Variants in RNF220 observed in about 807,000 individuals in gnomAD.
RNF220 encodes ring finger protein 220.
In RNF220, 7 loss-of-function variants were observed where a neutral mutation model predicts 67.1. The ratio of observed to expected loss-of-function variants is 0.10; its 90% confidence interval spans 0.06 to 0.20. RNF220 has a LOEUF of 0.20. RNF220 is among the 10% of genes least tolerant of loss of function. The probability of loss-of-function intolerance (pLI) is 1.00; values close to 1 mark genes in which losing one functional copy is unlikely to be tolerated. For missense variants in RNF220, 565 were observed against 740.3 expected, an observed-to-expected ratio of 0.76 and a Z score of 2.75; for synonymous variants, 270 against 283.2, an observed-to-expected ratio of 0.95 and a Z score of 0.47.
intron 2 of RNF220, among the ~76,000 whole-genome samples, chr1:44,498,328 T>C (rs969663351): frequency 2.0e-5 from 3 of 151,804 alleles, no homozygotes; most frequent in Non-Finnish European, 4.4e-5. Context: ...TGCCCAAGAG[T>C]GTACCAGGAC....
In RNF220 at chr1:44,424,114, C is replaced by T. The variant is rs1335715015; in HGVS notation, c.625+11392C>T. 2.8e-5 allele frequency: 18 copies of T among 640,320 alleles called. No individual in the cohort carries two copies. In the East Asian group the frequency reaches 1.4e-3, roughly 49 times the overall value. 39.7% of individuals were successfully genotyped at this position (640,320 alleles called of 1,614,324 possible). A position where few individuals can be genotyped will look rare whatever the true frequency, so the allele number is the denominator to read the frequency against. ...TCAAAGAAGTAGGAGATGATACTTC[C>T]TCTTCTTGACAGCCTTATGGTTAAG... On this transcript the variant is annotated intron_variant, in intron 2 of 14. Coordinates refer to ENST00000361799, the MANE Select transcript of RNF220 (RefSeq NM_018150.4).
intron 8 of RNF220, among the ~76,000 whole-genome samples, chr1:44,640,748 G>A (rs1644465172): frequency 6.6e-6 from 1 of 152,192 alleles, no homozygotes; most frequent in Non-Finnish European, 1.5e-5. Flanking sequence ...TCCCCAGACT[G>A]TCAGCTCCCC....
At chr1:44,549,479 T>C (rs1031490196) in intron 2 of RNF220, among the ~76,000 whole-genome samples, 1 of 152,202 alleles carries the variant, frequency 6.6e-6, no homozygotes, top group Non-Finnish European at 1.5e-5. Context: ...CAACCCATCA[T>C]TCCTAGAATC....
chr1:44,485,102 C>G (rs1656170848), intron 2 of RNF220, among the ~76,000 whole-genome samples: 1 of 152,222 alleles, frequency 6.6e-6, no homozygotes. Flanking sequence ...TGCCACTGCA[C>G]TCTAGCCTGG....
chr1:44,546,204 C>T (rs904017232), intron 2 of RNF220, among the ~76,000 whole-genome samples: 6 of 152,170 alleles, frequency 3.9e-5, no homozygotes, highest in African/African-American at 9.7e-5. Context: ...AGCTCACTCT[C>T]GGTCCTGGTT....
intron 1 of RNF220, among the ~76,000 whole-genome samples, chr1:44,406,093 C>T (rs1431227883): frequency 6.6e-6 from 1 of 152,168 alleles, no homozygotes; most frequent in Non-Finnish European, 1.5e-5. Flanking sequence ...AAGGGGCGAG[C>T]CGAATGAGAA....
intron 2 of RNF220, among the ~76,000 whole-genome samples, chr1:44,566,805 C>A (rs964488870): frequency 6.6e-6 from 1 of 152,154 alleles, no homozygotes; most frequent in African/African-American, 2.4e-5. Flanking sequence ...CACAGAAATG[C>A]CCTTGGAGGT....
intron 2 of RNF220, among the ~76,000 whole-genome samples, chr1:44,424,826 G>A (rs1469429344): frequency 6.6e-6 from 1 of 152,222 alleles, no homozygotes; most frequent in Non-Finnish European, 1.5e-5. Context: ...AGGGTCTGGA[G>A]GTGCTTGGCC....
chr1:44,589,458 C>CA (rs1665951462), intron 2 of RNF220, among the ~76,000 whole-genome samples: 2 of 151,870 alleles, frequency 1.3e-5, no homozygotes, highest in African/African-American at 4.8e-5. Context: ...ACTAAAAATA[C>CA]GAAAAATTAG....
intron 2 of RNF220, among the ~76,000 whole-genome samples, chr1:44,457,268 C>A (rs1156385194): frequency 6.6e-6 from 1 of 152,188 alleles, no homozygotes; most frequent in East Asian, 1.9e-4. Flanking sequence ...CTTATCATAA[C>A]ATTTCAATAG....
rs758690033 is a variant in RNF220 at position 44,614,198 on chromosome 1, A to G, written c.659A>G (p.Gln220Arg). 6.2e-7 allele frequency: 1 copy of G among 1,614,218 alleles called. No homozygotes were observed. Among genetic ancestry groups the G allele is most frequent in the South Asian group, 1.1e-5 (1 of 91,076 alleles). Residue 220 changes from glutamine to arginine, a missense_variant, in exon 3 of 15, where the codon CAG (glutamine) becomes CGG (arginine). Coordinates refer to ENST00000361799, the MANE Select transcript of RNF220 (RefSeq NM_018150.4). ...KKKAAALFDS[Q>R]APICPICQVL... ...AAAGCAGCGGCATTGTTCGACAGCC[A>G]GGCCCCAATTTGCCCCATCTGCCAG...
At chr1:44,522,278 G>A (rs959371297) in intron 2 of RNF220, among the ~76,000 whole-genome samples, 4 of 152,148 alleles carry the variant, frequency 2.6e-5, no homozygotes, top group Admixed American at 6.5e-5. Context: ...TGGACAAATC[G>A]CTGAACTTCT....
intron 2 of RNF220, among the ~76,000 whole-genome samples, chr1:44,571,182 G>A (rs1664417022): frequency 6.6e-6 from 1 of 151,930 alleles, no homozygotes; most frequent in Non-Finnish European, 1.5e-5. Context: ...CAACCTACAA[G>A]ACCCTACAGT....
At chr1:44,411,870 C>T in intron 1 of RNF220, 111 bp from the exon 2 acceptor site, 2 of 519,016 alleles carry the variant, frequency 3.9e-6, no homozygotes, top group South Asian at 2.7e-5. Flanking sequence ...GTGTCTCTTG[C>T]CCGAGCATCT....
intron 2 of RNF220, among the ~76,000 whole-genome samples, chr1:44,603,245 G>A (rs1017874872): frequency 7.2e-5 from 11 of 152,206 alleles, no homozygotes; most frequent in Non-Finnish European, 1.2e-4. Flanking sequence ...AATTTCAGCC[G>A]CCGGTCCGCT....
rs1643855275 is a variant in RNF220, at chr1:44,622,875, T to C, written c.804+88T>C. ...TCCTCCTGAGAAAAAGGAGCTTTTCTAGTATCCTCAACTATCTCCAGCTTT... is the reference window on the plus strand; with the variant it reads ...TCCTCCTGAGAAAAAGGAGCTTTTCCAGTATCCTCAACTATCTCCAGCTTT... On this transcript the variant is annotated intron_variant, in intron 4 of 14. Transcript: ENST00000361799. This position sits in a 1 kb window ranked among gnomAD's most constrained non-coding sequence, Gnocchi z 4.3. 1 of 1,097,118 alleles carries C rather than the reference T, an allele frequency of 9.1e-7. No individual in the cohort carries two copies. The highest frequency in any genetic ancestry group is 1.4e-6 in the Non-Finnish European group (1 of 717,164). The allele number at this position is 1,097,118 out of a possible 1,614,324, so 68.0% of individuals were successfully genotyped here. A position where few individuals can be genotyped will look rare whatever the true frequency, so the allele number is the denominator to read the frequency against.
At chr1:44,538,219 T>C (rs1661386339) in intron 2 of RNF220, among the ~76,000 whole-genome samples, 2 of 152,216 alleles carry the variant, frequency 1.3e-5, no homozygotes, top group South Asian at 4.1e-4. Flanking sequence ...CTCTCATCAA[T>C]ATTCTTTGGG....
intron 2 of RNF220, among the ~76,000 whole-genome samples, chr1:44,608,595 A>C (rs1667446718): frequency 6.6e-6 from 1 of 152,276 alleles, no homozygotes; most frequent in Non-Finnish European, 1.5e-5. Flanking sequence ...TTAATGAGAT[A>C]AAGTATGTGT....
At chr1:44,459,273 T>C (rs1351707591) in intron 2 of RNF220, among the ~76,000 whole-genome samples, 1 of 152,174 alleles carries the variant, frequency 6.6e-6, no homozygotes, top group Non-Finnish European at 1.5e-5. Flanking sequence ...GTTTATCTAT[T>C]GAGTAATCCA....
Sources: gnomAD v4.1 joint callset for allele counts (sites outside exome capture counted in the v4.1 genomes callset) on GRCh38, gnomAD v4.1.1 for gene constraint, Gnocchi (gnomAD v3.1) non-coding constraint, MANE v1.5 for transcripts, NCBI Gene and HGNC (gene_info 2026-07-23, HGNC 2026-07-21) for gene names.